Variants in BLTP1 observed in about 807,000 individuals in gnomAD.
The protein encoded by BLTP1 is fragile site-associated protein.
the BLTP1 span, chr4:122,220,983 T>A: frequency 1.9e-6 from 1 of 526,296 alleles, no homozygotes; most frequent in Non-Finnish European, 2.4e-6. Flanking sequence ...GAAAATGTAT[T>A]ACATTTCTGG....
At chr4:122,216,637 G>C in the BLTP1 span, among the ~76,000 whole-genome samples, 1 of 152,058 alleles carries the variant, frequency 6.6e-6, no homozygotes. Flanking sequence ...TGATTTGTTT[G>C]AGTTCCCTGT....
the BLTP1 span, chr4:122,240,465 G>A: frequency 1.2e-6 from 1 of 843,514 alleles, no homozygotes; most frequent in Non-Finnish European, 1.8e-6. Context: ...CTGAGAGAGA[G>A]ACTTTCTGAA....
chr4:122,197,016 C>T, the BLTP1 span: 3 of 185,452 alleles, frequency 1.6e-5, no homozygotes, highest in African/African-American at 2.4e-5. Flanking sequence ...CTCATTTTCT[C>T]CTTTATATCT....
At chr4:122,284,369 G>C in the BLTP1 span, among the ~76,000 whole-genome samples, 1 of 152,082 alleles carries the variant, frequency 6.6e-6, no homozygotes, top group Non-Finnish European at 1.5e-5. Flanking sequence ...TAAGTCTGAT[G>C]TCTGCTCTAG....
the BLTP1 span, chr4:122,207,007 CAAAAGA>C: frequency 8.9e-7 from 1 of 1,122,390 alleles, no homozygotes. Context: ...TTTAGTTACA[CAAAAGA>C]AAAATTCATT....
At chr4:122,269,184 G>A in the BLTP1 span, 4 of 453,890 alleles carry the variant, frequency 8.8e-6, no homozygotes, top group African/African-American at 2.1e-5. Flanking sequence ...ATGTTTATAT[G>A]TATACATACA....
At chr4:122,319,854 T>A in the BLTP1 span, among the ~76,000 whole-genome samples, 1 of 152,052 alleles carries the variant, frequency 6.6e-6, no homozygotes. Flanking sequence ...TTATAATTTT[T>A]AAAAATGTGT....
chr4:122,267,051 A>ATTTCTTTTTTTTTTT, the BLTP1 span: 1 of 138,564 alleles, frequency 7.2e-6, no homozygotes, highest in Admixed American at 1.4e-4. Context: ...TAAGGAAGTA[A>ATTTCTTTTTTTTTTT]TTTTTTTTTT....
At chr4:122,316,866 T>C in the BLTP1 span, 5 of 1,547,578 alleles carry the variant, frequency 3.2e-6, no homozygotes, top group South Asian at 3.6e-5. Flanking sequence ...ATCTGAAGTA[T>C]GTACAATGAT....
the BLTP1 span, among the ~76,000 whole-genome samples, chr4:122,322,275 A>G: frequency 6.6e-6 from 1 of 151,484 alleles, no homozygotes; most frequent in Non-Finnish European, 1.5e-5. Context: ...ATATATCCTC[A>G]AGTTCAAATA....
At chr4:122,348,928 C>A in the BLTP1 span, 1 of 534,600 alleles carries the variant, frequency 1.9e-6, no homozygotes, top group African/African-American at 2.0e-5. Context: ...AAAAGGGAAT[C>A]AATTATAAGG....
the BLTP1 span, chr4:122,328,404 G>C: frequency 6.6e-7 from 1 of 1,519,054 alleles, no homozygotes; most frequent in Non-Finnish European, 9.0e-7. Flanking sequence ...TCAGAATCTA[G>C]AAATGAGCAC....
At chr4:122,308,495 G>A in the BLTP1 span, among the ~76,000 whole-genome samples, 1 of 152,020 alleles carries the variant, frequency 6.6e-6, no homozygotes, top group East Asian at 1.9e-4. Context: ...CATTGGTATG[G>A]ACTTGTTTAT....
At chr4:122,278,619 CA>C in the BLTP1 span, among the ~76,000 whole-genome samples, 3 of 152,078 alleles carry the variant, frequency 2.0e-5, no homozygotes, top group Admixed American at 6.6e-5. Flanking sequence ...TTGAGCATCC[CA>C]AAAAACTGTT....
the BLTP1 span, chr4:122,346,577 TA>T: frequency 6.3e-7 from 1 of 1,592,770 alleles, no homozygotes; most frequent in Non-Finnish European, 8.6e-7. Context: ...GTGAAAACAT[TA>T]AAGGTTTTAG....
At chr4:122,224,448 A>G in the BLTP1 span, 38 of 1,558,878 alleles carry the variant, frequency 2.4e-5, no homozygotes, top group Middle Eastern at 3.5e-4. Flanking sequence ...ACTAGAAATT[A>G]TAATGTGATT....
chr4:122,154,995 T>G, the BLTP1 span: 2 of 861,042 alleles, frequency 2.3e-6, no homozygotes, highest in South Asian at 1.1e-4. Flanking sequence ...ATGGAAGACA[T>G]GATCAAAGGT....
chr4:122,334,612 T>C, the BLTP1 span: 1 of 1,468,860 alleles, frequency 6.8e-7, no homozygotes, highest in African/African-American at 1.4e-5. Flanking sequence ...CTACTTGCTC[T>C]TTTGAGACTT....
the BLTP1 span, among the ~76,000 whole-genome samples, chr4:122,322,007 T>C: frequency 8.1e-6 from 1 of 123,786 alleles, no homozygotes; most frequent in Non-Finnish European, 1.7e-5. Context: ...TTTTTTTTTT[T>C]TTTTTTTTGG....
Sources: allele counts gnomAD v4.1 joint callset (sites outside exome capture counted in the v4.1 genomes callset), GRCh38; gene constraint gnomAD v4.1.1; transcripts MANE v1.5; gene names NCBI Gene and HGNC (gene_info 2026-07-23, HGNC 2026-07-21).